CORIN: variants seen among roughly 807,000 people sequenced by gnomAD.
CORIN encodes the protein atrial natriuretic peptide-converting enzyme.
In CORIN, 117 loss-of-function variants were observed where a neutral mutation model predicts 125.3. That is an observed-to-expected ratio of 0.93 (90% CI 0.80 to 1.09). The LOEUF (loss-of-function observed/expected upper bound fraction) is 1.09. CORIN is among the 50% of genes least tolerant of loss of function. The probability of loss-of-function intolerance (pLI) is 0.00; values close to 1 mark genes in which losing one functional copy is unlikely to be tolerated. For synonymous variants in CORIN, 450 were observed against 466.4 expected (o/e 0.96, Z 0.45); for missense variants, 1,253 against 1,306.7 (o/e 0.96, Z 0.63).
chr4:47,828,301 C>T (rs1732826887), intron 1 of CORIN, among the ~76,000 whole-genome samples: 1 of 152,178 alleles, frequency 6.6e-6, no homozygotes, highest in Admixed American at 6.5e-5. Context: ...TCCTAGCTAG[C>T]TTCAGGATAG....
chr4:47,736,230 A>G (rs1003500007), intron 5 of CORIN, among the ~76,000 whole-genome samples: 6 of 152,184 alleles, frequency 3.9e-5, no homozygotes, highest in Non-Finnish European at 2.9e-5. Context: ...TTTTAGCTAT[A>G]TACTATCTTT....
At chr4:47,701,310 C>T (rs1453925685) in intron 5 of CORIN, among the ~76,000 whole-genome samples, 1 of 152,160 alleles carries the variant, frequency 6.6e-6, no homozygotes, top group African/African-American at 2.4e-5. Context: ...CAGAGAAAAT[C>T]CCAAACAACT....
At chr4:47,762,336 G>GA (rs1713973191) in intron 4 of CORIN, among the ~76,000 whole-genome samples, 2 of 152,014 alleles carry the variant, frequency 1.3e-5, no homozygotes, top group Admixed American at 6.6e-5. Flanking sequence ...CAAACACACA[G>GA]AAAAAATGCA....
At chr4:47,712,594 T>A (rs550647075) in intron 5 of CORIN, among the ~76,000 whole-genome samples, 1 of 152,310 alleles carries the variant, frequency 6.6e-6, no homozygotes, top group African/African-American at 2.4e-5. Context: ...ACATCATTTA[T>A]TTTAAGGAAG....
intron 5 of CORIN, among the ~76,000 whole-genome samples, chr4:47,697,112 C>T (rs937791889): frequency 2.0e-5 from 3 of 152,260 alleles, no homozygotes; most frequent in Non-Finnish European, 1.5e-5. Flanking sequence ...ACCACTATTG[C>T]CCTTACCTTT....
chr4:47,817,125 T>A (rs1202431541), intron 1 of CORIN, among the ~76,000 whole-genome samples: 1 of 152,068 alleles, frequency 6.6e-6, no homozygotes, highest in Non-Finnish European at 1.5e-5. Context: ...ATGGGACATT[T>A]AAAAAATAAT....
chr4:47,800,263 A>G (rs935282040), intron 2 of CORIN, among the ~76,000 whole-genome samples: 6 of 151,850 alleles, frequency 4.0e-5, no homozygotes, highest in Non-Finnish European at 8.8e-5. Context: ...ATAAGAATAA[A>G]TTATTAATTA....
intron 12 of CORIN, chr4:47,661,435 T>C (rs1176110783): frequency 3.4e-6 from 1 of 290,012 alleles, no homozygotes; most frequent in Non-Finnish European, 6.4e-6. Context: ...CAAAATATTT[T>C]AGGTACCCCA....
chr4:47,600,507 G>C (rs1334062549), intron 20 of CORIN, among the ~76,000 whole-genome samples, 160 bp from the exon 21 acceptor site: 1 of 152,272 alleles, frequency 6.6e-6, no homozygotes, highest in East Asian at 1.9e-4. Flanking sequence ...GACATGGCTG[G>C]TTTGGAATCA....
chr4:47,695,819 A>G (rs1577836646), intron 5 of CORIN, among the ~76,000 whole-genome samples: 1 of 152,236 alleles, frequency 6.6e-6, no homozygotes, highest in African/African-American at 2.4e-5. Context: ...TACTACAAAC[A>G]TATTTTATTT....
At chr4:47,836,745 G>T (rs954047471) in intron 1 of CORIN, among the ~76,000 whole-genome samples, 4 of 152,184 alleles carry the variant, frequency 2.6e-5, no homozygotes, top group African/African-American at 9.6e-5. Flanking sequence ...ACCGGGAGCC[G>T]TGCAAAAAGC....
intron 20 of CORIN, 31 bp from the exon 21 acceptor site, chr4:47,600,378 T>C: frequency 4.5e-6 from 7 of 1,539,644 alleles, no homozygotes; most frequent in Non-Finnish European, 6.2e-6. Context: ...AATATATATA[T>C]GATGATAAAA....
chr4:47,768,147 A>G (rs1384453391), intron 3 of CORIN, among the ~76,000 whole-genome samples: 3 of 152,136 alleles, frequency 2.0e-5, no homozygotes, highest in South Asian at 2.1e-4. Flanking sequence ...TCTGGAGAAC[A>G]ACCCCTTTGA....
intron 16 of CORIN, among the ~76,000 whole-genome samples, chr4:47,627,962 C>T (rs1722647268): frequency 6.6e-6 from 1 of 152,098 alleles, no homozygotes; most frequent in African/African-American, 2.4e-5. Flanking sequence ...AAAAGGCCCC[C>T]AGCTGCCCTG....
chr4:47,734,834 C>T (rs1243584092), intron 5 of CORIN, among the ~76,000 whole-genome samples: 1 of 152,150 alleles, frequency 6.6e-6, no homozygotes, highest in Non-Finnish European at 1.5e-5. Context: ...AGTAGCAACT[C>T]CCCCTGTTCT....
At chr4:47,673,377 GAA>G (rs749154440) in intron 10 of CORIN, among the ~76,000 whole-genome samples, 8 of 115,110 alleles carry the variant, frequency 6.9e-5, no homozygotes, top group Non-Finnish European at 7.5e-5. Context: ...CTCTGTCTCA[GAA>G]AAAAAAAAAA....
intron 2 of CORIN, among the ~76,000 whole-genome samples, chr4:47,797,017 C>T (rs1012890420): frequency 6.6e-6 from 1 of 151,798 alleles, no homozygotes; most frequent in African/African-American, 2.4e-5. Flanking sequence ...CTGTGGAGTC[C>T]CTGAGGGTAG....
intron 2 of CORIN, among the ~76,000 whole-genome samples, chr4:47,789,971 G>C (rs1454803132): frequency 6.6e-6 from 1 of 152,150 alleles, no homozygotes; most frequent in African/African-American, 2.4e-5. Flanking sequence ...GCAGTGAGCT[G>C]AGATCGCGCC....
intron 2 of CORIN, among the ~76,000 whole-genome samples, chr4:47,800,066 GC>G (rs1731472763): frequency 6.6e-6 from 1 of 152,076 alleles, no homozygotes; most frequent in Non-Finnish European, 1.5e-5. Context: ...TAGATTAGTG[GC>G]TGCTTGGGGC....
Sources: gnomAD v4.1 joint callset for allele counts (sites outside exome capture counted in the v4.1 genomes callset) on GRCh38, gnomAD v4.1.1 for gene constraint, MANE v1.5 for transcripts, NCBI Gene and HGNC (gene_info 2026-07-23, HGNC 2026-07-21) for gene names.